GATA3: variants seen among roughly 807,000 people sequenced by gnomAD.
GATA3 encodes the protein trans-acting T-cell-specific transcription factor GATA-3.
GATA3 carries 6 observed loss-of-function variants against 36.0 expected under a neutral mutation model. That is an observed-to-expected ratio of 0.17 (90% CI 0.09 to 0.33). The LOEUF is 0.33. GATA3 is among the 10% of genes least tolerant of loss of function. The probability of loss-of-function intolerance (pLI) is 1.00; values close to 1 mark genes in which losing one functional copy is unlikely to be tolerated. For missense variants in GATA3, 514 were observed against 610.1 expected, an observed-to-expected ratio of 0.84 and a Z score of 1.66; for synonymous variants, 326 against 273.0, an observed-to-expected ratio of 1.19 and a Z score of -1.92.
intron 1 of GATA3, among the ~76,000 whole-genome samples, chr10:8,047,075 C>G (rs1832400655): frequency 6.6e-6 from 1 of 152,214 alleles, no homozygotes; most frequent in Non-Finnish European, 1.5e-5. Flanking sequence ...CATTTACACC[C>G]TGCCTTCTTG....
In GATA3 at chr10:8,055,941, C is replaced by A; in HGVS notation, c.241+45C>A. 3 of 1,549,438 alleles carry A rather than the reference C, an allele frequency of 1.9e-6. No individual in the cohort carries two copies. The highest frequency in any genetic ancestry group is 1.2e-5 in the South Asian group (1 of 83,936). On this transcript the variant is annotated intron_variant, in intron 2 of 5. Coordinates refer to ENST00000379328, the MANE Select transcript of GATA3 (RefSeq NM_001002295.2). The surrounding 1 kb of genome is among the most constrained non-coding windows in gnomAD (Gnocchi z 5.4). ...CGGGGCTCCCGCCGGCCGCTTCAGC[C>A]GTCCCGGCTCGGGGAGGTCGGGAGG...
chr10:8,058,037 G>A (rs557841881), intron 2 of GATA3, among the ~76,000 whole-genome samples: 3 of 152,130 alleles, frequency 2.0e-5, no homozygotes, highest in Non-Finnish European at 2.9e-5. Flanking sequence ...GCAACCTCTC[G>A]GGTGTCAGCC....
chr10:8,056,982 A>C (rs184067220), intron 2 of GATA3, among the ~76,000 whole-genome samples: 2 of 152,310 alleles, frequency 1.3e-5, no homozygotes, highest in Admixed American at 1.3e-4. Flanking sequence ...CACGGATGAC[A>C]TAGCCCCTCC....
chr10:8,051,385 G>A, upstream of GATA3: 1 of 242,336 alleles, frequency 4.1e-6, no homozygotes, highest in South Asian at 4.4e-5. Flanking sequence ...CTCTCTAGGC[G>A]GTGGCCGCGC....
At chr10:8,073,231 C>T (rs1246276693) in intron 5 of GATA3, among the ~76,000 whole-genome samples, 2 of 150,294 alleles carry the variant, frequency 1.3e-5, no homozygotes, top group African/African-American at 2.4e-5. Context: ...TAAATTCTAG[C>T]GGAAGATTTT....
chr10:8,061,673 A>C (rs1054844671), intron 3 of GATA3, among the ~76,000 whole-genome samples: 3 of 152,226 alleles, frequency 2.0e-5, no homozygotes, highest in Non-Finnish European at 4.4e-5. Flanking sequence ...AAGACAGAAA[A>C]TTACCCTAGT....
chr10:8,048,495 C>T (rs1832419036), intron 1 of GATA3, among the ~76,000 whole-genome samples: 1 of 152,162 alleles, frequency 6.6e-6, no homozygotes, highest in East Asian at 1.9e-4. Context: ...GTAGCAAGCC[C>T]CTGGCTAGGA....
chr10:8,068,642 A>C (rs1832883001), intron 4 of GATA3, among the ~76,000 whole-genome samples: 1 of 152,074 alleles, frequency 6.6e-6, no homozygotes, highest in Admixed American at 6.5e-5. Flanking sequence ...AATCCCAGCT[A>C]CTCGGGAGTG....
chr10:8,070,086 T>C (rs144279401), intron 5 of GATA3, among the ~76,000 whole-genome samples: 8 of 152,328 alleles, frequency 5.3e-5, no homozygotes, highest in African/African-American at 1.4e-4. Flanking sequence ...AAATCTGTGC[T>C]ACAAATTTGA....
At chr10:8,068,609 G>A (rs1031266687) in intron 4 of GATA3, among the ~76,000 whole-genome samples, 6 of 152,116 alleles carry the variant, frequency 3.9e-5, no homozygotes, top group African/African-American at 7.2e-5. Context: ...AAAATTAGCC[G>A]GGCATGGTGG....
chr10:8,048,945 G>C (rs902951047), upstream of GATA3, among the ~76,000 whole-genome samples: 4 of 151,862 alleles, frequency 2.6e-5, no homozygotes, highest in African/African-American at 9.7e-5. Context: ...GCCGGGGCCG[G>C]GCTGGGGGCG....
In GATA3 at chr10:8,058,754, T is replaced by C. The variant is rs1564399262; in HGVS notation, c.691T>C (p.Ser231Pro). ...CCCGCCCTACGTGCCCGAGTACAGC[T>C]CCGGACTCTTCCCCCCCAGCAGCCT... ...TYPPYVPEYS[S>P]GLFPPSSLLG... Residue 231 changes from serine to proline, a missense_variant, in exon 3 of 6, where the codon TCC (serine) becomes CCC (proline). Around this residue, in one of 3 missense-constraint regions of GATA3, gnomAD observed 381 missense variants for 354.3 expected, o/e 1.08. Transcript: ENST00000379328. 1 of 1,610,944 alleles carries C rather than the reference T, an allele frequency of 6.2e-7. No homozygotes were observed.
At chr10:8,049,097 G>GA (rs911636900), upstream of GATA3, among the ~76,000 whole-genome samples, 39 of 137,066 alleles carry the variant, frequency 2.8e-4, no homozygotes, top group South Asian at 4.6e-4. Context: ...CAAACAAACA[G>GA]AAAAAAAAAG....
intron 3 of GATA3, among the ~76,000 whole-genome samples, chr10:8,063,637 C>T (rs951231866): frequency 1.3e-5 from 2 of 152,148 alleles, no homozygotes; most frequent in Non-Finnish European, 2.9e-5. Context: ...TGCCACCATC[C>T]AGGGCTCAGG....
chr10:8,068,604 T>C (rs1588387991), intron 4 of GATA3, among the ~76,000 whole-genome samples: 2 of 152,224 alleles, frequency 1.3e-5, no homozygotes, highest in Admixed American at 6.5e-5. Flanking sequence ...ATAGAAAAAT[T>C]AGCCGGGCAT....
Position 8,074,251 on chromosome 10 carries a change from C to A in GATA3, c.*228C>A. The A allele has an allele frequency of 1.7e-6, 1 of 573,072 alleles. No homozygotes were observed. Among genetic ancestry groups the A allele is most frequent in the Non-Finnish European group, 3.1e-6 (1 of 325,742 alleles). The allele number at this position is 573,072 out of a possible 1,614,324, so 35.5% of individuals were successfully genotyped here. On this transcript the variant is annotated 3_prime_UTR_variant, in exon 6 of 6. Transcript: ENST00000379328. ...GAATAAGCCATTCTGACTCATATCCCCTATTTAACAGGGTCTCTAGTGCTG... is the reference window on the plus strand; with the variant it reads ...GAATAAGCCATTCTGACTCATATCCACTATTTAACAGGGTCTCTAGTGCTG...
chr10:8,070,923 T>TC (rs1832921379), intron 5 of GATA3, among the ~76,000 whole-genome samples: 2 of 152,186 alleles, frequency 1.3e-5, no homozygotes, highest in Non-Finnish European at 1.5e-5. Flanking sequence ...AGTTCTATTT[T>TC]CACTTTGGGG....
chr10:8,053,598 C>G (rs1158231425), upstream of GATA3: 1 of 152,248 alleles, frequency 6.6e-6, no homozygotes, highest in African/African-American at 2.4e-5. The surrounding 1 kb of genome is among the most constrained non-coding windows in gnomAD (Gnocchi z 5.1). Context: ...CCCCGCCCCT[C>G]TCGCTGGGGC....
rs55947422 is a variant in GATA3 at position 8,046,648 on chromosome 10, AGTGTGTGTGTGTGTGT to A, written c.-370+1162_-370+1177del. On this transcript the variant is annotated intron_variant, in intron 1 of 1. Coordinates refer to the GATA3 transcript ENST00000643001. ...ATGCTTGGGGGCCCAAATGGCTGGC[AGTGTGTGTGTGTGTGT>A]GTGTGTGTGTGTGTGTGTGTGTGTG... Among the ~76,000 whole-genome samples the A allele has an allele frequency of 4.5e-3, 614 of 137,868 alleles. 4 individuals are homozygous for A. Among genetic ancestry groups the A allele is most frequent in the African/African-American group, 0.015 (556 of 36,192 alleles). 90.4% of individuals were successfully genotyped at this position (137,868 alleles called of 152,430 possible). A position where few individuals can be genotyped will look rare whatever the true frequency, so the allele number is the denominator to read the frequency against.
Sources: allele counts gnomAD v4.1 joint callset (sites outside exome capture counted in the v4.1 genomes callset), GRCh38; gene constraint gnomAD v4.1.1; regional missense constraint gnomAD v4.1.1; non-coding constraint Gnocchi (gnomAD v3.1); transcripts MANE v1.5; gene names NCBI Gene and HGNC (gene_info 2026-07-23, HGNC 2026-07-21).